Variants in RUFY2 observed in about 807,000 individuals in gnomAD.
RUFY2 encodes RUN and FYVE domain-containing protein 2.
Under a neutral mutation model 94.4 loss-of-function variants are expected in RUFY2, and 49 were observed. The ratio of observed to expected loss-of-function variants is 0.52; its 90% CI spans 0.41 to 0.66. The LOEUF (loss-of-function observed/expected upper bound fraction) is 0.66. RUFY2 is among the 30% of genes least tolerant of loss of function. The pLI is 0.00. For missense variants in RUFY2, 541 were observed against 692.8 expected (o/e 0.78, Z 2.46); for synonymous variants, 255 against 235.7 (o/e 1.08, Z -0.75).
At chr10:68,372,658 G>C (rs906615183) in intron 13 of RUFY2, among the ~76,000 whole-genome samples, 1 of 151,360 alleles carries the variant, frequency 6.6e-6, no homozygotes, top group Non-Finnish European at 1.5e-5. Context: ...GGGAGGCCAC[G>C]GTGGCCAGAT....
intron 3 of RUFY2, among the ~76,000 whole-genome samples, chr10:68,397,591 T>C (rs1307097651): frequency 6.8e-6 from 1 of 147,898 alleles, no homozygotes; most frequent in Non-Finnish European, 1.5e-5. Flanking sequence ...TTAATTAAAT[T>C]TAAAAATAAA....
chr10:68,348,336 T>C (rs1403799231), intron 16 of RUFY2, among the ~76,000 whole-genome samples: 6 of 149,768 alleles, frequency 4.0e-5, no homozygotes, highest in Non-Finnish European at 8.9e-5. Flanking sequence ...CAAGACCCCA[T>C]CTCTACAAAA....
Position 68,401,667 on chromosome 10 carries a change from G to C in RUFY2, c.249C>G (p.Pro83=), listed in dbSNP as rs559509497. The stretch of plus-strand genomic sequence containing the variant: ...CACTAGCTCCTATTTCCTCTGCTTC[G>C]GGGTACAGCTTCTCCACCAGTTCCA... ...GPLELVEKLY[P]EAEEIGASVR... Residue 83 remains proline, a synonymous_variant, in exon 3 of 18, where the codon CCC becomes CCG. Coordinates refer to ENST00000602465, the MANE Select transcript of RUFY2 (RefSeq NM_001330103.2). 1.5e-5 allele frequency: 24 copies of C among 1,613,864 alleles called. No homozygotes were observed. The highest frequency in any genetic ancestry group is 1.9e-5 in the Non-Finnish European group (22 of 1,179,882).
downstream of RUFY2, chr10:68,343,070 T>C (rs147959489): frequency 5.5e-4 from 84 of 152,324 alleles, 1 homozygote; most frequent in East Asian, 0.01. Context: ...CTTTGATCAA[T>C]ATGGCTTTTT....
At chr10:68,384,429 TTA>T (rs1316622538) in intron 8 of RUFY2, among the ~76,000 whole-genome samples, 2 of 152,264 alleles carry the variant, frequency 1.3e-5, no homozygotes, top group Non-Finnish European at 2.9e-5. Flanking sequence ...AATAAACATA[TTA>T]TGTTTACTGT....
In RUFY2 at chr10:68,376,902, T is replaced by C. The variant is rs760150747; in HGVS notation, c.1276A>G (p.Ser426Gly). The C allele has an allele frequency of 5.6e-6, 9 of 1,613,880 alleles. No homozygotes were observed. Among genetic ancestry groups the C allele is most frequent in the Non-Finnish European group, 7.6e-6 (9 of 1,179,902 alleles). The change falls in exon 13 of 18, where the codon AGT (serine) becomes GGT (glycine). Residue 426 changes from serine (S) to glycine (G), a missense_variant. Around this residue, in one of 3 missense-constraint regions of RUFY2, gnomAD observed 403 missense variants for 480.7 expected, o/e 0.84. Coordinates refer to ENST00000602465, the MANE Select transcript of RUFY2 (RefSeq NM_001330103.2). Reference sequence around the variant, plus strand: ...TGTTTCTGCAGACTATCAGATTTACTGAGACATTCTTGTAGATATTTCTCA... The same window carrying C: ...TGTTTCTGCAGACTATCAGATTTACCGAGACATTCTTGTAGATATTTCTCA... ...EDEKYLQECL[S>G]KSDSLQKQIS... is the part of the protein sequence containing the mutation.
intron 13 of RUFY2, among the ~76,000 whole-genome samples, chr10:68,370,631 G>A (rs1412186356): frequency 6.6e-6 from 1 of 151,552 alleles, no homozygotes; most frequent in African/African-American, 2.4e-5. Flanking sequence ...CAGCCTGGCC[G>A]ACAGCAAGAC....
rs1317974796 is a variant in RUFY2 at position 68,372,420 on chromosome 10, TA to T, written c.1325+4432del. 2.0e-5 allele frequency among the ~76,000 whole-genome samples: 3 copies of T among 151,188 alleles called. No individual in the cohort carries two copies. In the East Asian group the frequency reaches 5.9e-4, roughly 30 times the overall value. The stretch of plus-strand genomic sequence containing the variant: ...CCTATCTCAAAAAAATAAAATAAAA[TA>T]AGTTTTTTAATTAGCTGGCATGGTG... On this transcript the variant is annotated intron_variant, in intron 13 of 17. Coordinates refer to ENST00000602465, the MANE Select transcript of RUFY2 (RefSeq NM_001330103.2).
chr10:68,363,486 G>A (rs10823183), intron 15 of RUFY2, 104 bp downstream of exon 15: 135,331 of 712,320 alleles, frequency 0.19, 16,589 homozygotes, highest in African/African-American at 0.5. Flanking sequence ...GGCCTAGTTC[G>A]TATCTTTCCT....
Position 68,344,041 on chromosome 10 carries a change from T to G in RUFY2, c.*1727A>C, listed in dbSNP as rs1468919838. 1 of 152,104 alleles carries G rather than the reference T, an allele frequency of 6.6e-6. No individual in the cohort carries two copies. The allele number at this position is 152,104 out of a possible 1,614,324, so 9.4% of individuals were successfully genotyped here. ...CAGTAATCATAAAAATGTTAGCCCA[T>G]CCCACCTATCAATACAAAATGGTTC... On this transcript the variant is annotated 3_prime_UTR_variant, in exon 18 of 18. Coordinates refer to ENST00000602465, the MANE Select transcript of RUFY2 (RefSeq NM_001330103.2).
In RUFY2 at chr10:68,344,366, T is replaced by G. The variant is rs1220441995; in HGVS notation, c.*1402A>C. ...TCTTAATCCATAAATTTTCTATGTA[T>G]TTTTTATAGGCTCACAAACTTAAAG... On this transcript the variant is annotated 3_prime_UTR_variant, in exon 18 of 18. Transcript: ENST00000602465. 2 of 151,550 alleles carry G rather than the reference T, an allele frequency of 1.3e-5. No homozygotes were observed. The highest frequency in any genetic ancestry group is 4.9e-5 in the African/African-American group (2 of 40,798). 9.4% of individuals were successfully genotyped at this position (151,550 alleles called of 1,614,324 possible). A position where few individuals can be genotyped will look rare whatever the true frequency, so the allele number is the denominator to read the frequency against.
At chr10:68,370,199 C>T (rs2048160599) in intron 13 of RUFY2, among the ~76,000 whole-genome samples, 1 of 151,974 alleles carries the variant, frequency 6.6e-6, no homozygotes, top group Non-Finnish European at 1.5e-5. Context: ...GCACAAGAAT[C>T]GCTAGAACCG....
At position 68,345,453 on chromosome 10, in the gene RUFY2, A is replaced by C; in HGVS notation, c.*315T>G. On this transcript the variant is annotated 3_prime_UTR_variant, in exon 18 of 18. Coordinates refer to ENST00000602465, the MANE Select transcript of RUFY2 (RefSeq NM_001330103.2). ...CACCATCAAATACCAAATTGACAGA[A>C]TTCAGAAGAAAAAAACAATCTGAAG... is the stretch of plus-strand genomic sequence containing the variant. The C allele has an allele frequency of 2.5e-6, 1 of 404,136 alleles. No homozygotes were observed. Among genetic ancestry groups the C allele is most frequent in the Non-Finnish European group, 4.3e-6 (1 of 230,008 alleles). The allele number at this position is 404,136 out of a possible 1,614,324, so 25.0% of individuals were successfully genotyped here.
Position 68,377,099 on chromosome 10 carries a change from A to G in RUFY2, c.1206-127T>C, listed in dbSNP as rs1350167706. The G allele has an allele frequency of 3.3e-6, 5 of 1,522,476 alleles. No individual in the cohort carries two copies. In the South Asian group the frequency reaches 3.7e-5, roughly 11 times the overall value. 94.3% of individuals were successfully genotyped at this position (1,522,476 alleles called of 1,614,324 possible). ...TCTAAATGAAAACAAAGTTTGGGGG[A>G]AAACTCACAAACTCAAACGTGAAAG... On this transcript the variant is annotated intron_variant, in intron 12 of 17. Coordinates refer to ENST00000602465, the MANE Select transcript of RUFY2 (RefSeq NM_001330103.2).
intron 7 of RUFY2, among the ~76,000 whole-genome samples, chr10:68,386,573 C>T (rs2049516173): frequency 6.6e-6 from 1 of 152,274 alleles, no homozygotes; most frequent in African/African-American, 2.4e-5. Flanking sequence ...TGGTCTTGAA[C>T]TCCTGACCTC....
rs76260782 is a variant in RUFY2, at chr10:68,406,838, G to A, written c.4+348C>T. On this transcript the variant is annotated intron_variant, in intron 1 of 17. Coordinates refer to ENST00000602465, the MANE Select transcript of RUFY2 (RefSeq NM_001330103.2). ...AAAACCTGAGATGCGTCTTCCCTCC[G>A]CCACCCCCAAACCTGAAAAGTCATC... 1.5e-4 allele frequency: 243 copies of A among 1,611,864 alleles called. 2 individuals are homozygous for A. In the East Asian group the frequency reaches 4.1e-3, roughly 27 times the overall value.
chr10:68,396,751 T>C, intron 4 of RUFY2, 29 bp downstream of exon 4: 1 of 1,429,706 alleles, frequency 7.0e-7, no homozygotes, highest in African/African-American at 1.4e-5. Flanking sequence ...AAATAAAAAA[T>C]GAAAAGATCA....
intron 15 of RUFY2, among the ~76,000 whole-genome samples, chr10:68,359,214 A>ACT (rs1295722345): frequency 1.3e-5 from 2 of 151,888 alleles, no homozygotes; most frequent in African/African-American, 4.8e-5. Context: ...TCCCACCTCT[A>ACT]CTAAAAATAC....
At chr10:68,393,068 T>C in intron 7 of RUFY2, 70 bp downstream of exon 7, 1 of 750,598 alleles carries the variant, frequency 1.3e-6, no homozygotes, top group Non-Finnish European at 2.1e-6. Flanking sequence ...AGGAATACGG[T>C]AAGCTGAAGG....
Sources: allele counts gnomAD v4.1 joint callset (sites outside exome capture counted in the v4.1 genomes callset), GRCh38; gene constraint gnomAD v4.1.1; regional missense constraint gnomAD v4.1.1; transcripts MANE v1.5; gene names NCBI Gene and HGNC (gene_info 2026-07-23, HGNC 2026-07-21).